Variants in ABTB3 observed in about 807,000 individuals in gnomAD.
The protein encoded by ABTB3 is ankyrin repeat and BTB domain containing 3.
chr12:107,355,295 C>T, the ABTB3 span, among the ~76,000 whole-genome samples: 7 of 152,196 alleles, frequency 4.6e-5, no homozygotes, highest in Admixed American at 6.5e-5. Context: ...TTCTCTGCGT[C>T]GTGGCTCTGA....
chr12:107,508,382 C>T, the ABTB3 span, among the ~76,000 whole-genome samples: 3 of 147,828 alleles, frequency 2.0e-5, no homozygotes, highest in Non-Finnish European at 4.5e-5. Flanking sequence ...GCTGCCCCCT[C>T]ATTATTTTAC....
At chr12:107,424,616 C>T in the ABTB3 span, among the ~76,000 whole-genome samples, 1 of 152,182 alleles carries the variant, frequency 6.6e-6, no homozygotes, top group African/African-American at 2.4e-5. Flanking sequence ...CAGCTGTAGA[C>T]TGGGAATGAC....
chr12:107,464,871 GA>G, the ABTB3 span, among the ~76,000 whole-genome samples: 2 of 152,100 alleles, frequency 1.3e-5, no homozygotes, highest in Non-Finnish European at 2.9e-5. Flanking sequence ...GGAGAGAGGT[GA>G]TGTTACCAGC....
chr12:107,636,803 C>T, the ABTB3 span, among the ~76,000 whole-genome samples: 1 of 152,162 alleles, frequency 6.6e-6, no homozygotes, highest in African/African-American at 2.4e-5. Context: ...GGGTACATTC[C>T]CAGGACATAG....
the ABTB3 span, among the ~76,000 whole-genome samples, chr12:107,409,611 C>A: frequency 3.3e-5 from 5 of 152,176 alleles, no homozygotes; most frequent in South Asian, 2.1e-4. Flanking sequence ...AACAGAAAAC[C>A]AAACACCGTA....
chr12:107,626,282 C>T, the ABTB3 span, among the ~76,000 whole-genome samples: 8 of 151,370 alleles, frequency 5.3e-5, no homozygotes, highest in South Asian at 1.0e-3. Flanking sequence ...TACATCTTCC[C>T]GAAGCAGAAG....
At chr12:107,382,955 G>A in the ABTB3 span, among the ~76,000 whole-genome samples, 1 of 152,150 alleles carries the variant, frequency 6.6e-6, no homozygotes, top group Admixed American at 6.5e-5. Context: ...TGGACTCACT[G>A]CAGGGTAGGA....
chr12:107,342,763 T>C, the ABTB3 span, among the ~76,000 whole-genome samples: 1 of 152,080 alleles, frequency 6.6e-6, no homozygotes, highest in South Asian at 2.1e-4. Context: ...CTGGAATGGC[T>C]CCTCTCTTCC....
At chr12:107,655,633 A>G in the ABTB3 span, among the ~76,000 whole-genome samples, 1 of 152,248 alleles carries the variant, frequency 6.6e-6, no homozygotes, top group Non-Finnish European at 1.5e-5. Flanking sequence ...TCCAAATGTC[A>G]ACCAGGACCT....
the ABTB3 span, among the ~76,000 whole-genome samples, chr12:107,637,785 T>A: frequency 2.2e-5 from 2 of 89,478 alleles, no homozygotes; most frequent in East Asian, 7.8e-4. Context: ...GAGCACTGAT[T>A]TTGTGTGTGT....
At chr12:107,474,941 G>C in the ABTB3 span, among the ~76,000 whole-genome samples, 32 of 152,236 alleles carry the variant, frequency 2.1e-4, no homozygotes, top group Admixed American at 7.2e-4. Flanking sequence ...AGTCCCATCA[G>C]CCCACCCTAG....
the ABTB3 span, among the ~76,000 whole-genome samples, chr12:107,354,816 C>T: frequency 1.3e-5 from 2 of 152,132 alleles, no homozygotes; most frequent in Non-Finnish European, 2.9e-5. Flanking sequence ...AGTGGTGTCT[C>T]AGTGAAGTCT....
At chr12:107,582,591 A>C in the ABTB3 span, among the ~76,000 whole-genome samples, 41,103 of 152,062 alleles carry the variant, frequency 0.27, 5,775 homozygotes, top group African/African-American at 0.34. Flanking sequence ...CTACCATGTG[A>C]CGGTTATCAA....
chr12:107,356,560 G>C, the ABTB3 span, among the ~76,000 whole-genome samples: 8 of 152,112 alleles, frequency 5.3e-5, no homozygotes, highest in African/African-American at 1.9e-4. Flanking sequence ...TGTGAATGTC[G>C]TCATCTTAAT....
chr12:107,339,021 G>A, the ABTB3 span, among the ~76,000 whole-genome samples: 1 of 152,162 alleles, frequency 6.6e-6, no homozygotes, highest in Admixed American at 6.5e-5. Flanking sequence ...GACCTCAGAT[G>A]CTGCTACTTG....
chr12:107,595,237 T>C, the ABTB3 span, among the ~76,000 whole-genome samples: 1 of 152,248 alleles, frequency 6.6e-6, no homozygotes, highest in Non-Finnish European at 1.5e-5. Flanking sequence ...GGCGTTGGGC[T>C]GTGCAATCTC....
the ABTB3 span, among the ~76,000 whole-genome samples, chr12:107,571,161 G>C: frequency 6.6e-6 from 1 of 152,198 alleles, no homozygotes; most frequent in Non-Finnish European, 1.5e-5. Flanking sequence ...TAAGTTTGTT[G>C]AGCATTTACT....
At chr12:107,568,068 T>G in the ABTB3 span, among the ~76,000 whole-genome samples, 1 of 152,222 alleles carries the variant, frequency 6.6e-6, no homozygotes, top group Non-Finnish European at 1.5e-5. Context: ...ATCTTAGTGT[T>G]CAGTGACTCA....
the ABTB3 span, among the ~76,000 whole-genome samples, chr12:107,466,099 C>T: frequency 2.6e-5 from 4 of 152,068 alleles, no homozygotes; most frequent in Non-Finnish European, 4.4e-5. Flanking sequence ...TTAATATCCT[C>T]GGGGGTGGAT....
Sources: gnomAD v4.1 joint callset for allele counts (sites outside exome capture counted in the v4.1 genomes callset) on GRCh38, gnomAD v4.1.1 for gene constraint, MANE v1.5 for transcripts, NCBI Gene and HGNC (gene_info 2026-07-23, HGNC 2026-07-21) for gene names.